Variants in RPP40 observed in about 807,000 individuals in gnomAD.
RPP40 encodes the protein ribonuclease P/MRP subunit p40.
RPP40 carries 30 observed loss-of-function variants against 42.5 expected under a neutral mutation model. That is an observed-to-expected ratio of 0.71 (90% CI 0.53 to 0.96). The LOEUF (loss-of-function observed/expected upper bound fraction) is 0.96, where lower values mean the gene tolerates loss of function less well. RPP40 is among the 40% of genes least tolerant of loss of function. RPP40 has a pLI of 0.00. For missense variants in RPP40, 426 were observed against 433.5 expected, an observed-to-expected ratio of 0.98 and a Z score of 0.15; for synonymous variants, 173 against 164.0, an observed-to-expected ratio of 1.05 and a Z score of -0.42.
intron 2 of RPP40, chr6:5,001,071 A>G (rs1278273216): frequency 2.2e-6 from 1 of 457,428 alleles, no homozygotes; most frequent in Non-Finnish European, 4.4e-6. Context: ...CAAGCAAAAA[A>G]CTGACTCAGA....
chr6:4,995,052 T>C lies in RPP40; in HGVS notation c.*26A>G. On this transcript the variant is annotated 3_prime_UTR_variant, in exon 8 of 8. Transcript: ENST00000380051. ...ATCTGAAAGCAAGCGTAAATGTAAG[T>C]AAACACGATTTTTAATTTTTATTTT... The C allele has an allele frequency of 6.3e-7, 1 of 1,589,368 alleles. No individual in the cohort carries two copies. Among genetic ancestry groups the C allele is most frequent in the Non-Finnish European group, 8.6e-7 (1 of 1,165,462 alleles).
chr6:4,998,574 G>T, intron 5 of RPP40, 142 bp downstream of exon 5: 1 of 551,528 alleles, frequency 1.8e-6, no homozygotes, highest in Non-Finnish European at 2.9e-6. Context: ...AGAAGGGCTA[G>T]TTTCCTTAAT....
chr6:4,998,407 TCA>T lies in RPP40; in HGVS notation c.559+307_559+308del, dbSNP rs1759445819. The stretch of plus-strand genomic sequence containing the variant: ...TTAAAAATATTATAGTCAAGGCTGT[TCA>T]AGGTAAGCTGGAGAGAGGAAAGGGG... On this transcript the variant is annotated intron_variant, in intron 5 of 7. Transcript: ENST00000380051. 3.3e-5 allele frequency among the ~76,000 whole-genome samples: 5 copies of T among 152,214 alleles called. No individual in the cohort carries two copies. In the South Asian group the frequency reaches 6.2e-4, roughly 19 times the overall value.
intron 7 of RPP40, among the ~76,000 whole-genome samples, chr6:4,995,672 G>GTCCC (rs1759353802): frequency 3.3e-5 from 5 of 152,296 alleles, no homozygotes; most frequent in Admixed American, 2.6e-4. Context: ...TCCTATCGAA[G>GTCCC]AAAGTCAAAG....
chr6:4,996,584 T>A (rs1445378892), intron 5 of RPP40, among the ~76,000 whole-genome samples, 164 bp from the exon 6 acceptor site: 1 of 152,220 alleles, frequency 6.6e-6, no homozygotes, highest in Non-Finnish European at 1.5e-5. Context: ...TGCTTTCAGC[T>A]CCTTTTGCTC....
intron 4 of RPP40, 59 bp from the exon 5 acceptor site, chr6:4,998,900 G>A: frequency 9.2e-7 from 1 of 1,086,952 alleles, no homozygotes; most frequent in East Asian, 3.0e-5. Flanking sequence ...TTCTACCATG[G>A]AAAAAGTGTT....
chr6:5,000,680 G>C, intron 2 of RPP40, 49 bp from the exon 3 acceptor site: 2 of 1,121,026 alleles, frequency 1.8e-6, no homozygotes, highest in Admixed American at 1.8e-5. Flanking sequence ...AATTACACCT[G>C]CAAGATGTTA....
At chr6:4,993,959 C>A (rs1759298032), downstream of RPP40, among the ~76,000 whole-genome samples, 1 of 152,034 alleles carries the variant, frequency 6.6e-6, no homozygotes, top group South Asian at 2.1e-4. Context: ...CCCTTCCCAC[C>A]CCAGGCTATG....
chr6:5,003,887 T>C lies in RPP40; in HGVS notation c.116A>G (p.Asn39Ser). ...HRHLVQTHYY[N>S]YRVSFLIPEC... ...GAGGACAGCCGGACTCACCCTGTAGTTATAGTAGTGCGTCTGCACAAGATG... is the reference window on the plus strand; with the variant it reads ...GAGGACAGCCGGACTCACCCTGTAGCTATAGTAGTGCGTCTGCACAAGATG... The change falls in exon 1 of 8, where the codon AAC becomes AGC. Residue 39 changes from asparagine to serine, a missense_variant. Asn to Ser is a conservative substitution (Grantham distance 46). Transcript: ENST00000380051. The C allele has an allele frequency of 6.2e-7, 1 of 1,612,846 alleles. No homozygotes were observed. Among genetic ancestry groups the C allele is most frequent in the East Asian group, 2.2e-5 (1 of 44,800 alleles).
downstream of RPP40, among the ~76,000 whole-genome samples, chr6:4,990,607 T>A (rs1759247151): frequency 6.6e-6 from 1 of 151,516 alleles, no homozygotes; most frequent in Non-Finnish European, 1.5e-5. Flanking sequence ...CCTCAGCCTC[T>A]CAAGTAGCTA....
At chr6:4,998,510 GGCAGAAAGGCCTGCGTGCCTACAT>G (rs1457321351) in intron 5 of RPP40, among the ~76,000 whole-genome samples, 182 bp downstream of exon 5, 3 of 152,218 alleles carry the variant, frequency 2.0e-5, no homozygotes, top group Admixed American at 6.5e-5. Flanking sequence ...AAGAGACGCA[GGCAGAAAGGCCTGCGTGCCTACAT>G]GATCCTGAAC....
rs572923879 is a variant in RPP40 at position 5,000,436 on chromosome 6, C to T, written c.337+127G>A. 60 of 623,858 alleles carry T rather than the reference C, an allele frequency of 9.6e-5. 1 individual carries two copies. The Admixed American group carries it at 1.4e-3, about 15-fold the overall frequency. The allele number at this position is 623,858 out of a possible 1,614,324, so 38.6% of individuals were successfully genotyped here. ...CTCCTGACCTCAGGTGATACACCTG[C>T]TTTGGCCTCCCAAAGTGCAGGGATT... On this transcript the variant is annotated intron_variant, in intron 3 of 7. Transcript: ENST00000380051.
At chr6:4,993,303 G>A (rs1186635721), downstream of RPP40, among the ~76,000 whole-genome samples, 4 of 152,186 alleles carry the variant, frequency 2.6e-5, no homozygotes, top group Non-Finnish European at 5.9e-5. Flanking sequence ...CTAGTCTGCT[G>A]TTAAACCAAC....
the RPP40 span, among the ~76,000 whole-genome samples, chr6:4,988,587 T>C: frequency 2.6e-5 from 4 of 152,188 alleles, no homozygotes; most frequent in African/African-American, 9.7e-5. Flanking sequence ...AATAGTAACT[T>C]TTTGGTCTGG....
intron 1 of RPP40, among the ~76,000 whole-genome samples, chr6:5,003,071 G>A (rs1759613677): frequency 1.3e-5 from 2 of 152,148 alleles, no homozygotes; most frequent in Admixed American, 6.5e-5. Context: ...CGCTTCGGCC[G>A]GGCGCGGTGG....
downstream of RPP40, among the ~76,000 whole-genome samples, chr6:4,991,526 G>A (rs1759261810): frequency 6.6e-6 from 1 of 152,130 alleles, no homozygotes; most frequent in African/African-American, 2.4e-5. Context: ...TGTCAATCGG[G>A]TCAAGTTGAT....
Position 4,999,905 on chromosome 6 carries a change from C to T in RPP40, c.338-1G>A, listed in dbSNP as rs1210211382. 1.3e-6 allele frequency: 2 copies of T among 1,568,990 alleles called. No individual in the cohort carries two copies. The highest frequency in any genetic ancestry group is 1.8e-6 in the Non-Finnish European group (2 of 1,140,846). On this transcript the variant is annotated splice_acceptor_variant, in intron 3 of 7. Transcript: ENST00000380051. LOFTEE classifies it high-confidence loss of function. ...TTATCCAGTGACAAAATTAATTTCC[C>T]TATAAATCAAATAATAACTCCCATA...
At chr6:5,003,787 G>C (rs1437090672) in intron 1 of RPP40, 93 bp downstream of exon 1, 7 of 1,401,814 alleles carry the variant, frequency 5.0e-6, no homozygotes, top group Non-Finnish European at 6.6e-6. Flanking sequence ...TACCGCCGGC[G>C]GCCCCGCCCC....
intron 7 of RPP40, 65 bp from the exon 8 acceptor site, chr6:4,995,341 A>C (rs1010934923): frequency 4.3e-6 from 5 of 1,159,978 alleles, no homozygotes; most frequent in East Asian, 4.9e-5. Flanking sequence ...CATTTTAAAA[A>C]ATTTATTCAG....
Sources: allele counts gnomAD v4.1 joint callset (sites outside exome capture counted in the v4.1 genomes callset), GRCh38; gene constraint gnomAD v4.1.1; transcripts MANE v1.5; gene names NCBI Gene and HGNC (gene_info 2026-07-23, HGNC 2026-07-21).